Variants in SH2D3C observed in about 807,000 individuals in gnomAD.
SH2D3C encodes the protein SH2 domain containing 3C.
SH2D3C carries 25 observed loss-of-function variants against 75.2 expected under a neutral mutation model. The observed-to-expected ratio is 0.33, with a 90% CI of 0.24 to 0.46. The LOEUF (loss-of-function observed/expected upper bound fraction) is 0.46, where lower values mean the gene tolerates loss of function less well. SH2D3C is among the 20% of genes least tolerant of loss of function. The probability of loss-of-function intolerance (pLI) is 1.00; values close to 1 mark genes in which losing one functional copy is unlikely to be tolerated. For synonymous variants in SH2D3C, 450 were observed against 473.7 expected, an observed-to-expected ratio of 0.95 and a Z score of 0.65; for missense variants, 933 against 1,165.3, an observed-to-expected ratio of 0.80 and a Z score of 2.90.
intron 5 of SH2D3C, among the ~76,000 whole-genome samples, chr9:127,747,909 C>A (rs984933502): frequency 2.6e-5 from 4 of 152,150 alleles, no homozygotes; most frequent in African/African-American, 9.7e-5. Flanking sequence ...AGCTTCCCCT[C>A]CCACAAAGCT....
Position 127,738,569 on chromosome 9 carries a change from G to T in SH2D3C, c.*177C>A. The stretch of plus-strand genomic sequence containing the variant: ...TCAATGGAGACCTGGTGAGCATGTA[G>T]CAGGTGGGATGGAACCCAGAGTCCA... On this transcript the variant is annotated 3_prime_UTR_variant, in exon 12 of 12. Coordinates refer to ENST00000314830, the MANE Select transcript of SH2D3C (RefSeq NM_170600.3). This position sits in a 1 kb window ranked among gnomAD's most constrained non-coding sequence, Gnocchi z 5.0. The T allele has an allele frequency of 1.9e-6, 1 of 535,728 alleles. No homozygotes were observed. Among genetic ancestry groups the T allele is most frequent in the Non-Finnish European group, 3.1e-6 (1 of 323,374 alleles). 33.2% of individuals were successfully genotyped at this position (535,728 alleles called of 1,614,324 possible).
Position 127,747,205 on chromosome 9 carries a change from G to A in SH2D3C, c.1206C>T (p.Asp402=), listed in dbSNP as rs1381894006. Residue 402 remains aspartate (D), a synonymous_variant, in exon 6 of 12, where the codon GAC becomes GAT. Coordinates refer to ENST00000314830, the MANE Select transcript of SH2D3C (RefSeq NM_170600.3). ...SCALSMDQIP[D]LHSPMSPISE... ...AGATGGGCGACATGGGTGAGTGCAG[G>A]TCTGGGATCTGGTCCATGCTGAGGG... The A allele has an allele frequency of 2.5e-6, 4 of 1,614,036 alleles. No individual in the cohort carries two copies. Among genetic ancestry groups the A allele is most frequent in the African/African-American group, 1.3e-5 (1 of 75,050 alleles).
Position 127,739,941 on chromosome 9 carries a change from C to T in SH2D3C, c.2201-53G>A. The T allele has an allele frequency of 1.4e-6, 2 of 1,443,304 alleles. No individual in the cohort carries two copies. The highest frequency in any genetic ancestry group is 1.9e-6 in the Non-Finnish European group (2 of 1,078,694). 89.4% of individuals were successfully genotyped at this position (1,443,304 alleles called of 1,614,324 possible). A position where few individuals can be genotyped will look rare whatever the true frequency, so the allele number is the denominator to read the frequency against. On this transcript the variant is annotated intron_variant, in intron 10 of 11. Transcript: ENST00000314830. The surrounding 1 kb of genome is among the most constrained non-coding windows in gnomAD (Gnocchi z 4.3). ...AAAGATCCTGTAGTGCCCCACCATCCACTGCAGTCCTGGAAGCTGAGGTGC... is the reference window on the plus strand; with the variant it reads ...AAAGATCCTGTAGTGCCCCACCATCTACTGCAGTCCTGGAAGCTGAGGTGC...
chr9:127,765,875 G>A (rs1845623909), intron 2 of SH2D3C, among the ~76,000 whole-genome samples: 1 of 152,146 alleles, frequency 6.6e-6, no homozygotes, highest in African/African-American at 2.4e-5. Context: ...ATAAATAATA[G>A]TGATAATTGA....
At chr9:127,762,783 AC>A (rs573384777) in intron 2 of SH2D3C, among the ~76,000 whole-genome samples, 37 of 152,322 alleles carry the variant, frequency 2.4e-4, no homozygotes, top group African/African-American at 8.9e-4. Flanking sequence ...TGGCAAACGA[AC>A]CATCCTCAGC....
At position 127,741,907 on chromosome 9, in the gene SH2D3C, A is replaced by G; in HGVS notation, c.1969T>C (p.Ser657Pro). The change falls in exon 9 of 12, where the codon TCT (serine) becomes CCT (proline). Residue 657 changes from serine to proline, a missense_variant. Physicochemically the swap from Ser to Pro is moderately conservative, Grantham distance 74. Transcript: ENST00000314830. ...LAVDILGCTG[S>P]AEERAALLHK... ...AGCAGCGCTGCCCGCTCCTCCGCAG[A>G]GCCGGTGCAGCCCAGGATGTCCACG... The G allele has an allele frequency of 6.2e-7, 1 of 1,613,058 alleles. No individual in the cohort carries two copies. Among genetic ancestry groups the G allele is most frequent in the Non-Finnish European group, 8.5e-7 (1 of 1,179,962 alleles).
intron 2 of SH2D3C, chr9:127,767,044 T>C: frequency 6.5e-7 from 1 of 1,536,228 alleles, no homozygotes; most frequent in South Asian, 1.2e-5. Flanking sequence ...GGGAAGGCTC[T>C]TGGCTTTGGC....
At chr9:127,755,277 C>T (rs1845345179) in intron 3 of SH2D3C, 2 of 1,105,278 alleles carry the variant, frequency 1.8e-6, no homozygotes, top group Non-Finnish European at 2.2e-6. Context: ...GCGCGATTAC[C>T]TCATCGCCTT....
chr9:127,755,140 A>G, intron 3 of SH2D3C: 1 of 1,218,804 alleles, frequency 8.2e-7, no homozygotes, highest in Non-Finnish European at 1.0e-6. Flanking sequence ...GGCACTCCAC[A>G]GGCTGCACCG....
chr9:127,772,592 A>G (rs1845755903), intron 2 of SH2D3C, among the ~76,000 whole-genome samples: 2 of 152,036 alleles, frequency 1.3e-5, no homozygotes, highest in South Asian at 2.1e-4. Context: ...CAACAGGCAC[A>G]TGTGACTGGT....
chr9:127,750,166 T>G (rs547680547), intron 4 of SH2D3C, among the ~76,000 whole-genome samples: 6 of 150,620 alleles, frequency 4.0e-5, no homozygotes, highest in Non-Finnish European at 8.9e-5. Flanking sequence ...TTGTTATTAT[T>G]ATTATTATTA....
At chr9:127,742,315 C>A (rs959388775) in intron 8 of SH2D3C, among the ~76,000 whole-genome samples, 4 of 152,238 alleles carry the variant, frequency 2.6e-5, no homozygotes, top group Non-Finnish European at 5.9e-5. Flanking sequence ...CTGCTCACTG[C>A]AACCTCCGCC....
intron 4 of SH2D3C, among the ~76,000 whole-genome samples, chr9:127,750,560 C>T (rs1354366141): frequency 6.6e-6 from 1 of 152,224 alleles, no homozygotes; most frequent in Non-Finnish European, 1.5e-5. Context: ...GTACTTCTTC[C>T]ACTAGGCTCT....
At chr9:127,770,507 T>C (rs1215640567) in intron 2 of SH2D3C, among the ~76,000 whole-genome samples, 1 of 152,056 alleles carries the variant, frequency 6.6e-6, no homozygotes, top group Admixed American at 6.6e-5. Context: ...TGGGCCAGGC[T>C]GCTCCCCTGA....
chr9:127,752,531 G>A (rs569732132), intron 3 of SH2D3C, among the ~76,000 whole-genome samples: 2 of 152,050 alleles, frequency 1.3e-5, no homozygotes, highest in East Asian at 1.9e-4. Context: ...GGGGCCCCTC[G>A]CTCCTGAGAG....
Position 127,738,464 on chromosome 9 carries a change from C to T in SH2D3C, c.*282G>A. The T allele has an allele frequency of 3.2e-6, 1 of 310,324 alleles. No homozygotes were observed. The highest frequency in any genetic ancestry group is 6.2e-5 in the South Asian group (1 of 16,194). 19.2% of individuals were successfully genotyped at this position (310,324 alleles called of 1,614,324 possible). ...GTGAGGAGGCGTGAGCAGCCTGCCT[C>T]CCATGGCTCGAAAACAGGGAACCCC... On this transcript the variant is annotated 3_prime_UTR_variant, in exon 12 of 12. Transcript: ENST00000314830. The surrounding 1 kb of genome is among the most constrained non-coding windows in gnomAD (Gnocchi z 5.0).
chr9:127,760,949 C>G (rs1845511347), intron 3 of SH2D3C, among the ~76,000 whole-genome samples: 1 of 152,070 alleles, frequency 6.6e-6, no homozygotes, highest in East Asian at 1.9e-4. Flanking sequence ...AAGCGATTCT[C>G]CTGCCTCAGC....
At position 127,739,935 on chromosome 9, in the gene SH2D3C, A is replaced by G. The variant is rs760221240; in HGVS notation, c.2201-47T>C. On this transcript the variant is annotated intron_variant, in intron 10 of 11. Coordinates refer to ENST00000314830, the MANE Select transcript of SH2D3C (RefSeq NM_170600.3). The surrounding 1 kb of genome is among the most constrained non-coding windows in gnomAD (Gnocchi z 4.3). ...GCGCTTAAAGATCCTGTAGTGCCCC[A>G]CCATCCACTGCAGTCCTGGAAGCTG... The G allele has an allele frequency of 6.9e-7, 1 of 1,455,374 alleles. No homozygotes were observed. The highest frequency in any genetic ancestry group is 2.5e-5 in the East Asian group (1 of 39,898). 90.2% of individuals were successfully genotyped at this position (1,455,374 alleles called of 1,614,324 possible).
At chr9:127,769,657 GA>G (rs11368432) in intron 2 of SH2D3C, among the ~76,000 whole-genome samples, 9,167 of 88,280 alleles carry the variant, frequency 0.1, 602 homozygotes, top group African/African-American at 0.23. Context: ...ACTCCATCTC[GA>G]AAAAAAAAAA....
Sources: allele counts gnomAD v4.1 joint callset (sites outside exome capture counted in the v4.1 genomes callset), GRCh38; gene constraint gnomAD v4.1.1; non-coding constraint Gnocchi (gnomAD v3.1); transcripts MANE v1.5; gene names NCBI Gene and HGNC (gene_info 2026-07-23, HGNC 2026-07-21).